Variants in CRACD observed in about 807,000 individuals in gnomAD.
The protein encoded by CRACD is capping protein inhibiting regulator of actin dynamics.
CRACD carries 56 observed loss-of-function variants against 106.8 expected under a neutral mutation model. The observed-to-expected ratio is 0.52, with a 90% confidence interval of 0.42 to 0.66. The LOEUF (loss-of-function observed/expected upper bound fraction) is 0.66, where lower values mean the gene tolerates loss of function less well. Among genes scored for constraint, CRACD ranks in the 30% least tolerant of loss-of-function variants. The probability of loss-of-function intolerance (pLI) is 0.00; values close to 1 mark genes in which losing one functional copy is unlikely to be tolerated. For synonymous variants in CRACD, 754 were observed against 670.8 expected (o/e 1.12, Z -1.92); for missense variants, 1,730 against 1,623.2 (o/e 1.07, Z -1.13).
At chr4:56,082,197 G>A (rs1441963691) in intron 1 of CRACD, among the ~76,000 whole-genome samples, 1 of 152,180 alleles carries the variant, frequency 6.6e-6, no homozygotes, top group Non-Finnish European at 1.5e-5. Context: ...AGGCCTGAAT[G>A]ATAATAAGGA....
chr4:56,153,076 C>T (rs1220673572), intron 1 of CRACD, among the ~76,000 whole-genome samples: 2 of 152,168 alleles, frequency 1.3e-5, no homozygotes, highest in East Asian at 3.9e-4. Context: ...GTCAGGAGTT[C>T]GAGACCAGCC....
chr4:56,254,492 A>G (rs1741231502), intron 2 of CRACD, among the ~76,000 whole-genome samples: 1 of 151,768 alleles, frequency 6.6e-6, no homozygotes, highest in African/African-American at 2.4e-5. Context: ...ATTTTCCTCA[A>G]CCATGTGAAC....
At chr4:56,228,026 TCTC>T (rs368178819) in intron 2 of CRACD, among the ~76,000 whole-genome samples, 126 of 152,248 alleles carry the variant, frequency 8.3e-4, no homozygotes, top group South Asian at 3.5e-3. Flanking sequence ...TGCTGCGTGT[TCTC>T]CTTTCAGTGT....
At chr4:56,107,305 C>A (rs1733981690) in intron 1 of CRACD, among the ~76,000 whole-genome samples, 1 of 152,096 alleles carries the variant, frequency 6.6e-6, no homozygotes, top group Non-Finnish European at 1.5e-5. Flanking sequence ...TTCTATGTGA[C>A]CTTGAACAGG....
In CRACD at chr4:56,314,637, G is replaced by C. The variant is rs1168799406; in HGVS notation, c.1135G>C (p.Val379Leu). The C allele has an allele frequency of 6.5e-7, 1 of 1,543,422 alleles. No homozygotes were observed. Among genetic ancestry groups the C allele is most frequent in the South Asian group, 1.2e-5 (1 of 83,346 alleles). The part of the protein sequence containing the change: ...WEELEQQEAE[V>L]QGPPEALEET... ...AGAGCTGGAACAGCAGGAGGCGGAG[G>C]TGCAGGGGCCGCCCGAGGCGTTGGA... Residue 379 changes from valine (V) to leucine (L), a missense_variant, in exon 8 of 11, where the codon GTG (valine) becomes CTG (leucine). Around this residue, in one of 5 missense-constraint regions of CRACD, gnomAD observed 1,620 missense variants for 1,481.6 expected, o/e 1.09. Coordinates refer to ENST00000682029, the MANE Select transcript of CRACD (RefSeq NM_001393381.1). The surrounding 1 kb of genome is among the most constrained non-coding windows in gnomAD (Gnocchi z 4.4).
intron 4 of CRACD, among the ~76,000 whole-genome samples, chr4:56,301,631 GGT>G (rs1744375811): frequency 6.6e-6 from 1 of 151,782 alleles, no homozygotes; most frequent in South Asian, 2.1e-4. Context: ...CCCACGGAAG[GGT>G]GTCTGTCTGT....
intron 1 of CRACD, among the ~76,000 whole-genome samples, chr4:56,104,528 T>G (rs1733880663): frequency 6.6e-6 from 1 of 152,202 alleles, no homozygotes; most frequent in African/African-American, 2.4e-5. Flanking sequence ...CTGTTTAGCT[T>G]TGACATTTAT....
intron 4 of CRACD, among the ~76,000 whole-genome samples, chr4:56,299,018 A>G (rs1744212116): frequency 6.6e-6 from 1 of 152,168 alleles, no homozygotes; most frequent in Admixed American, 6.6e-5. Flanking sequence ...TAATCCCTGA[A>G]TCAGGGCTGA....
At chr4:56,157,030 T>C (rs1283195650) in intron 1 of CRACD, among the ~76,000 whole-genome samples, 1 of 150,714 alleles carries the variant, frequency 6.6e-6, no homozygotes, top group African/African-American at 2.5e-5. Context: ...CTAGTAAATA[T>C]GATAAACCTT....
intron 1 of CRACD, among the ~76,000 whole-genome samples, chr4:56,052,254 T>G (rs1731904894): frequency 6.6e-6 from 1 of 152,164 alleles, no homozygotes; most frequent in Non-Finnish European, 1.5e-5. Flanking sequence ...AGATACATTG[T>G]AAATATCTGT....
chr4:56,196,449 C>G (rs773359237), intron 2 of CRACD: 4 of 153,228 alleles, frequency 2.6e-5, no homozygotes, highest in Admixed American at 6.5e-5. Context: ...AGTGGTGACT[C>G]TGAGTTGCAA....
At chr4:56,159,955 A>T (rs944671493) in intron 1 of CRACD, among the ~76,000 whole-genome samples, 27 of 149,470 alleles carry the variant, frequency 1.8e-4, no homozygotes, top group African/African-American at 6.1e-4. Context: ...CTAATTTTGT[A>T]TTTTTAGTAG....
chr4:56,215,020 CA>C (rs370756484), intron 2 of CRACD, among the ~76,000 whole-genome samples: 1 of 151,608 alleles, frequency 6.6e-6, no homozygotes, highest in African/African-American at 2.4e-5. Flanking sequence ...AACAAACAAA[CA>C]AAAAAAGAGA....
At chr4:56,145,759 A>G (rs1735357066) in intron 1 of CRACD, among the ~76,000 whole-genome samples, 1 of 152,076 alleles carries the variant, frequency 6.6e-6, no homozygotes, top group South Asian at 2.1e-4. Flanking sequence ...TGGGACTAGA[A>G]GTGTGTGACT....
intron 3 of CRACD, among the ~76,000 whole-genome samples, chr4:56,293,164 G>T (rs554719934): frequency 2.5e-4 from 38 of 152,250 alleles, no homozygotes; most frequent in African/African-American, 8.9e-4. Context: ...GAATCATATT[G>T]AGTAAAAAGA....
intron 4 of CRACD, among the ~76,000 whole-genome samples, chr4:56,306,034 A>G (rs976466352): frequency 1.3e-5 from 2 of 152,182 alleles, no homozygotes; most frequent in Non-Finnish European, 2.9e-5. Flanking sequence ...TTATTTTTAA[A>G]AGACCTGAGT....
At chr4:56,105,362 G>A (rs1344927684) in intron 1 of CRACD, among the ~76,000 whole-genome samples, 1 of 152,094 alleles carries the variant, frequency 6.6e-6, no homozygotes, top group Non-Finnish European at 1.5e-5. Flanking sequence ...AGCCGAGCGC[G>A]GTAGCATACC....
At chr4:56,258,283 A>G (rs978671208) in intron 2 of CRACD, among the ~76,000 whole-genome samples, 7 of 152,130 alleles carry the variant, frequency 4.6e-5, no homozygotes, top group Admixed American at 1.3e-4. Flanking sequence ...TATGACCTGA[A>G]GGCACCTCCC....
chr4:56,211,994 C>G (rs1250989902), intron 2 of CRACD, among the ~76,000 whole-genome samples: 1 of 152,084 alleles, frequency 6.6e-6, no homozygotes, highest in East Asian at 1.9e-4. Context: ...TCAAGACCTG[C>G]TGGGCTGTAT....
Sources: gnomAD v4.1 joint callset for allele counts (sites outside exome capture counted in the v4.1 genomes callset) on GRCh38, gnomAD v4.1.1 for gene constraint, gnomAD v4.1.1 regional missense constraint, Gnocchi (gnomAD v3.1) non-coding constraint, MANE v1.5 for transcripts, NCBI Gene and HGNC (gene_info 2026-07-23, HGNC 2026-07-21) for gene names.